The following MYO9A variants were observed in gnomAD, a reference collection of about 807,000 sequenced individuals.
MYO9A encodes the protein unconventional myosin-IXa.
A neutral mutation model predicts 293.3 loss-of-function variants in MYO9A; 103 were observed. That is an observed-to-expected ratio of 0.35 (90% CI 0.30 to 0.41). The LOEUF (loss-of-function observed/expected upper bound fraction) is 0.41. MYO9A is among the 10% of genes least tolerant of loss of function. MYO9A has a pLI of 1.00. For missense variants in MYO9A, 2,685 were observed against 3,033.0 expected, an observed-to-expected ratio of 0.89 and a Z score of 2.69; for synonymous variants, 1,001 against 1,035.7, an observed-to-expected ratio of 0.97 and a Z score of 0.64.
At chr15:71,976,647 C>G (rs2076154387) in intron 12 of MYO9A, among the ~76,000 whole-genome samples, 1 of 152,154 alleles carries the variant, frequency 6.6e-6, no homozygotes, top group Admixed American at 6.5e-5. Context: ...GAATTACAAA[C>G]CTTACAATTT....
At chr15:71,929,105 AT>A (rs568973680) in intron 18 of MYO9A, among the ~76,000 whole-genome samples, 82 of 151,432 alleles carry the variant, frequency 5.4e-4, no homozygotes, top group Non-Finnish European at 1.1e-3. Flanking sequence ...AACACTGCTG[AT>A]TTTTGTATGT....
At chr15:71,973,440 C>T (rs965437381) in intron 12 of MYO9A, among the ~76,000 whole-genome samples, 8 of 151,942 alleles carry the variant, frequency 5.3e-5, no homozygotes, top group Non-Finnish European at 1.2e-4. Flanking sequence ...TAAATGCTAC[C>T]GTGGAAAACA....
At chr15:71,930,425 T>G (rs926689171) in intron 18 of MYO9A, among the ~76,000 whole-genome samples, 1 of 152,212 alleles carries the variant, frequency 6.6e-6, no homozygotes, top group African/African-American at 2.4e-5. Flanking sequence ...ATCCTTTTGA[T>G]GACCATACCC....
chr15:71,922,606 C>T (rs1399298788), intron 18 of MYO9A, among the ~76,000 whole-genome samples: 2 of 151,890 alleles, frequency 1.3e-5, no homozygotes, highest in African/African-American at 4.8e-5. Context: ...TTCCCTTTCC[C>T]ACCCTTATAC....
intron 18 of MYO9A, among the ~76,000 whole-genome samples, chr15:71,926,168 T>C (rs894521372): frequency 6.6e-6 from 1 of 152,306 alleles, no homozygotes; most frequent in African/African-American, 2.4e-5. Flanking sequence ...CTCAGTGACT[T>C]AGGCTACGGG....
rs138270342 is a variant in MYO9A, at chr15:72,075,341, T to C, written c.-71-28707A>G. On this transcript the variant is annotated intron_variant, in intron 1 of 41. Coordinates refer to ENST00000356056, the MANE Select transcript of MYO9A (RefSeq NM_006901.4). ...TAGTCAGTCATGAAAATGTGACTTA[T>C]AGGCAAGAGAAAAAAGTCAACACTA... Among the ~76,000 whole-genome samples, 60 of 152,236 alleles carry C rather than the reference T, an allele frequency of 3.9e-4. No individual in the cohort carries two copies. The East Asian group carries it at 9.6e-3, about 24-fold the overall frequency.
chr15:72,104,525 C>T (rs531473640), intron 1 of MYO9A, among the ~76,000 whole-genome samples: 1 of 152,206 alleles, frequency 6.6e-6, no homozygotes, highest in African/African-American at 2.4e-5. Context: ...CTGTATCCTC[C>T]CCAGTGCCTA....
chr15:72,003,717 A>AT (rs1567372258), intron 8 of MYO9A, among the ~76,000 whole-genome samples: 1 of 151,980 alleles, frequency 6.6e-6, no homozygotes, highest in African/African-American at 2.4e-5. Context: ...AAAAAAAAAA[A>AT]AAAATAAGAA....
chr15:71,898,222 G>A lies in MYO9A; in HGVS notation c.4281C>T (p.Asp1427=). Reference sequence around the variant, plus strand: ...CTAGTTGGGAATTTGTTTTCAGTGGGTCTTGTTGGGGGATATAAAAAAAAG... The same window carrying A: ...CTAGTTGGGAATTTGTTTTCAGTGGATCTTGTTGGGGGATATAAAAAAAAG... ...LPTFFYIPQQ[D]PLKTNSQLDT... Residue 1427 remains aspartate, a synonymous_variant, in exon 25 of 42, where the codon GAC becomes GAT. Coordinates refer to ENST00000356056, the MANE Select transcript of MYO9A (RefSeq NM_006901.4). The A allele has an allele frequency of 1.2e-6, 2 of 1,614,054 alleles. No homozygotes were observed. The highest frequency in any genetic ancestry group is 1.7e-6 in the Non-Finnish European group (2 of 1,180,028).
rs2306579 is a variant in MYO9A, at chr15:71,854,692, T to C, written c.6154-123A>G. 392 of 681,904 alleles carry C rather than the reference T, an allele frequency of 5.7e-4. 2 individuals carry two copies. The African/African-American group carries it at 6.4e-3, about 11-fold the overall frequency. The allele number at this position is 681,904 out of a possible 1,614,324, so 42.2% of individuals were successfully genotyped here. On this transcript the variant is annotated intron_variant, in intron 34 of 41. Transcript: ENST00000356056. ...AGTTTTATGAGCATAGTTAGAAGAG[T>C]TGGGAGAAAGGGAATTATGTTTAAG...
chr15:72,039,921 C>T lies in MYO9A; in HGVS notation c.840+5803G>A, dbSNP rs1566973623. ...GGTGACTTTGTCACAGCCTCCGTTCCTCTGTGATCTCCAGGTCCTGGGAGA... is the reference window on the plus strand; with the variant it reads ...GGTGACTTTGTCACAGCCTCCGTTCTTCTGTGATCTCCAGGTCCTGGGAGA... On this transcript the variant is annotated intron_variant, in intron 2 of 41. Transcript: ENST00000356056. The T allele has an allele frequency of 2.3e-5, 4 of 176,734 alleles. No homozygotes were observed. The South Asian group carries it at 5.4e-4, about 24-fold the overall frequency. The allele number at this position is 176,734 out of a possible 1,614,324, so 10.9% of individuals were successfully genotyped here. A position where few individuals can be genotyped will look rare whatever the true frequency, so the allele number is the denominator to read the frequency against.
At chr15:72,083,394 T>G (rs2079613497) in intron 1 of MYO9A, among the ~76,000 whole-genome samples, 2 of 152,238 alleles carry the variant, frequency 1.3e-5, no homozygotes, top group Non-Finnish European at 2.9e-5. Flanking sequence ...TGTGTTTATT[T>G]GGACCTTCTC....
chr15:71,889,659 T>TAG lies in MYO9A; in HGVS notation c.5143-1545_5143-1544dup, dbSNP rs566749613. On this transcript the variant is annotated intron_variant, in intron 26 of 41. Coordinates refer to ENST00000356056, the MANE Select transcript of MYO9A (RefSeq NM_006901.4). ...CCTCTGTGCAAATAAATTGAAAAGT[T>TAG]AGATGAAATTGATAATTTTATAAGA... The TAG allele has an allele frequency of 3.3e-5, 5 of 151,996 alleles. No homozygotes were observed. The East Asian group carries it at 9.7e-4, about 29-fold the overall frequency. The allele number at this position is 151,996 out of a possible 1,614,324, so 9.4% of individuals were successfully genotyped here.
chr15:71,911,035 CTCT>C (rs1318321763), intron 19 of MYO9A, among the ~76,000 whole-genome samples: 1 of 152,080 alleles, frequency 6.6e-6, no homozygotes, highest in African/African-American at 2.4e-5. Flanking sequence ...TTTAGAACTC[CTCT>C]ATCACCCCCA....
intron 23 of MYO9A, among the ~76,000 whole-genome samples, chr15:71,900,935 C>T (rs2057464929): frequency 3.3e-5 from 5 of 152,190 alleles, no homozygotes; most frequent in Admixed American, 3.3e-4. Flanking sequence ...TCCTTAGCCC[C>T]TACACAGATC....
At chr15:71,878,753 T>TTTC (rs1345498088) in intron 30 of MYO9A, among the ~76,000 whole-genome samples, 1 of 147,754 alleles carries the variant, frequency 6.8e-6, no homozygotes, top group African/African-American at 2.5e-5. Flanking sequence ...TTTTTTTTTT[T>TTTC]TTTTTTTTTT....
chr15:71,971,160 C>G (rs2076000199), intron 12 of MYO9A, among the ~76,000 whole-genome samples: 1 of 145,766 alleles, frequency 6.9e-6, no homozygotes, highest in African/African-American at 2.6e-5. Flanking sequence ...GACTCCGTAT[C>G]AGAAAAAATT....
rs191007937 is a variant in MYO9A at position 71,878,606 on chromosome 15, A to G, written c.5740-375T>C. Among the ~76,000 whole-genome samples the G allele has an allele frequency of 4.6e-5, 7 of 152,332 alleles. No homozygotes were observed. The East Asian group carries it at 1.3e-3, about 29-fold the overall frequency. On this transcript the variant is annotated intron_variant, in intron 30 of 41. Transcript: ENST00000356056. The stretch of plus-strand genomic sequence containing the variant: ...TTCTACTCTAAAATTGAAAGAATGA[A>G]TACTTGAATCATTGCCTAAGCATAT...
intron 13 of MYO9A, among the ~76,000 whole-genome samples, chr15:71,966,402 G>C (rs1332101200): frequency 4.0e-5 from 6 of 151,518 alleles, no homozygotes; most frequent in Non-Finnish European, 4.4e-5. Flanking sequence ...GCTGGGAAGG[G>C]GTATAAAAGA....
Sources: gnomAD v4.1 joint callset for allele counts (sites outside exome capture counted in the v4.1 genomes callset) on GRCh38, gnomAD v4.1.1 for gene constraint, MANE v1.5 for transcripts, NCBI Gene and HGNC (gene_info 2026-07-23, HGNC 2026-07-21) for gene names.